The following SYNE2 variants were observed in gnomAD, a reference collection of about 807,000 sequenced individuals.
SYNE2 encodes the protein nesprin-2.
SYNE2 carries 431 observed loss-of-function variants against 856.3 expected under a neutral mutation model. The observed-to-expected ratio is 0.50, with a 90% CI of 0.47 to 0.55. The LOEUF is 0.55. Among genes scored for constraint, SYNE2 ranks in the 20% least tolerant of loss-of-function variants. The pLI is 0.00. For missense variants in SYNE2, 8,129 were observed against 8,023.2 expected (o/e 1.01, Z -0.50); for synonymous variants, 2,923 against 2,872.3 (o/e 1.02, Z -0.56).
At position 64,131,729 on chromosome 14, in the gene SYNE2, G is replaced by A. The variant is rs368501517; in HGVS notation, c.14341-536G>A. The stretch of plus-strand genomic sequence containing the variant: ...CCTGAGTAGCTGGGACTATAGATGT[G>A]TGCCACCACACCTAGCTGGCATCTA... On this transcript the variant is annotated intron_variant, in intron 76 of 115. Coordinates refer to ENST00000555002, the MANE Select transcript of SYNE2 (RefSeq NM_182914.3). Among the ~76,000 whole-genome samples the A allele has an allele frequency of 1.7e-4, 26 of 152,178 alleles. 1 individual carries two copies. The highest frequency in any genetic ancestry group is 3.4e-3 in the Middle Eastern group (1 of 294).
chr14:64,017,072 A>AT (rs1216413458), intron 33 of SYNE2, among the ~76,000 whole-genome samples: 3 of 152,066 alleles, frequency 2.0e-5, no homozygotes, highest in African/African-American at 7.2e-5. Context: ...GCTCACATCT[A>AT]TAATCCTAGC....
chr14:64,194,178 A>T (rs2098530548), intron 99 of SYNE2, among the ~76,000 whole-genome samples: 1 of 152,258 alleles, frequency 6.6e-6, no homozygotes, highest in African/African-American at 2.4e-5. Context: ...GTAACTATGT[A>T]GAACCCAAGT....
At chr14:63,908,981 G>C (rs931383622) in intron 1 of SYNE2, 117 bp from the exon 2 acceptor site, 1 of 655,506 alleles carries the variant, frequency 1.5e-6, no homozygotes, top group Non-Finnish European at 2.8e-6. Context: ...GCACATAGTA[G>C]AAAGCCATAC....
At chr14:64,209,776 T>G in intron 102 of SYNE2, 166 bp from the exon 103 acceptor site, 1 of 1,151,098 alleles carries the variant, frequency 8.7e-7, no homozygotes, top group Non-Finnish European at 1.3e-6. Flanking sequence ...GTAATGAACT[T>G]GAAAGCCTGT....
chr14:63,971,697 T>C (rs1015347360), intron 11 of SYNE2, among the ~76,000 whole-genome samples: 3 of 152,062 alleles, frequency 2.0e-5, no homozygotes, highest in Non-Finnish European at 4.4e-5. Context: ...GAGATCTGAG[T>C]TTCTATTGAG....
rs1401277046 is a variant in SYNE2 at position 64,052,525 on chromosome 14, A to G, written c.8612A>G (p.Lys2871Arg). The G allele has an allele frequency of 1.9e-6, 3 of 1,614,148 alleles. No individual in the cohort carries two copies. The highest frequency in any genetic ancestry group is 3.3e-4 in the Middle Eastern group (2 of 6,062). ...VETAATEAELKHHHVTLEASQ... is the reference protein window; with the variant it reads ...VETAATEAELRHHHVTLEASQ... ...ACAGCTGCCACGGAAGCTGAACTAA[A>G]ACATCACCATGTTACTTTGGAGGCA... Residue 2871 changes from lysine (K) to arginine (R), a missense_variant, in exon 48 of 116, where the codon AAA (lysine) becomes AGA (arginine). Transcript: ENST00000555002.
chr14:63,816,196 C>T lies in SYNE2; in HGVS notation c.-304-36305C>T, dbSNP rs563725210. On this transcript the variant is annotated intron_variant, in intron 1 of 23. Transcript: ENST00000674003. ...TCACCTGACCTCATGATATGCCCGC[C>T]TCGGCCTCCCAAAGTGCTGGGATTA... is the stretch of plus-strand genomic sequence containing the variant. Among the ~76,000 whole-genome samples the T allele has an allele frequency of 3.3e-5, 5 of 152,168 alleles. No individual in the cohort carries two copies. In the South Asian group the frequency reaches 1.0e-3, roughly 32 times the overall value.
chr14:64,057,583 A>G (rs1209169599), intron 49 of SYNE2, among the ~76,000 whole-genome samples: 4 of 152,190 alleles, frequency 2.6e-5, no homozygotes, highest in African/African-American at 9.7e-5. Context: ...TTCAATAAAC[A>G]TGGGAGTGCA....
At chr14:64,220,224 G>T (rs912520366) in intron 110 of SYNE2, among the ~76,000 whole-genome samples, 7 of 152,174 alleles carry the variant, frequency 4.6e-5, no homozygotes, top group African/African-American at 1.7e-4. Flanking sequence ...CCTCCAGCAG[G>T]CCTCTACTTT....
At chr14:63,837,212 T>C (rs1889886509) in intron 1 of SYNE2, among the ~76,000 whole-genome samples, 1 of 152,226 alleles carries the variant, frequency 6.6e-6, no homozygotes, top group South Asian at 2.1e-4. Context: ...GTCTTTTCAA[T>C]GAATGGTGTT....
intron 1 of SYNE2, among the ~76,000 whole-genome samples, chr14:63,774,106 G>A (rs532902129): frequency 1.1e-4 from 17 of 152,180 alleles, no homozygotes; most frequent in Admixed American, 6.5e-4. Flanking sequence ...AGGCTGAGGC[G>A]GGCAGATCAC....
At position 64,219,104 on chromosome 14, in the gene SYNE2, G is replaced by GTTTTTTGTT; in HGVS notation, c.19658-98_19658-97insGTTTTTTTT. ...CAGGGGAATCCCCTACAGTTTTTTT[G>GTTTTTTGTT]TTTTTTTTTTTTTTTTTTTTAACCA... On this transcript the variant is annotated intron_variant, in intron 109 of 115. Transcript: ENST00000555002. 15 of 409,014 alleles carry GTTTTTTGTT rather than the reference G, an allele frequency of 3.7e-5. No homozygotes were observed. The East Asian group carries it at 8.1e-4, about 22-fold the overall frequency. 25.3% of individuals were successfully genotyped at this position (409,014 alleles called of 1,614,324 possible).
Position 64,024,451 on chromosome 14 carries a change from G to A in SYNE2, c.5832G>A (p.Gln1944=), listed in dbSNP as rs2096961730. ...AGGAGCTTGAAGACTCCTTGCAGCA[G>A]CTACTGAGGTAGGAAATAAAGATGA... is the stretch of plus-strand genomic sequence containing the variant. The part of the protein sequence containing the change: ...RAKELEDSLQ[Q]LLRLQDDHRN... The change falls in exon 39 of 116, where the codon CAG becomes CAA. Residue 1944 remains glutamine, a synonymous_variant. Coordinates refer to ENST00000555002, the MANE Select transcript of SYNE2 (RefSeq NM_182914.3). 1.2e-6 allele frequency: 2 copies of A among 1,613,646 alleles called. No homozygotes were observed. The highest frequency in any genetic ancestry group is 1.3e-5 in the African/African-American group (1 of 74,886).
intron 31 of SYNE2, among the ~76,000 whole-genome samples, chr14:64,008,942 CT>C (rs2096822345): frequency 6.6e-6 from 1 of 152,160 alleles, no homozygotes; most frequent in Non-Finnish European, 1.5e-5. Context: ...GCAGTTTCCC[CT>C]GATTCTGCTC....
At chr14:64,131,507 A>G (rs1237186118) in intron 76 of SYNE2, among the ~76,000 whole-genome samples, 1 of 152,212 alleles carries the variant, frequency 6.6e-6, no homozygotes. Flanking sequence ...TTGAGTTTGC[A>G]CATCTGTCCA....
intron 64 of SYNE2, among the ~76,000 whole-genome samples, chr14:64,102,839 C>T (rs1286014880): frequency 6.6e-6 from 1 of 152,112 alleles, no homozygotes; most frequent in Non-Finnish European, 1.5e-5. Context: ...TAACCACCAT[C>T]CTATTCTCTG....
At chr14:64,129,156 A>G (rs1175334131) in intron 74 of SYNE2, among the ~76,000 whole-genome samples, 1 of 152,090 alleles carries the variant, frequency 6.6e-6, no homozygotes, top group Non-Finnish European at 1.5e-5. Flanking sequence ...AAAATACAAA[A>G]ATTAGCCAGG....
chr14:64,012,388 A>G (rs1335430738), intron 32 of SYNE2, among the ~76,000 whole-genome samples: 2 of 152,114 alleles, frequency 1.3e-5, no homozygotes, highest in East Asian at 3.8e-4. Flanking sequence ...TCTGTTATTA[A>G]AGTAGCATGT....
chr14:63,798,462 C>T (rs1235690228), intron 1 of SYNE2, among the ~76,000 whole-genome samples: 5 of 148,928 alleles, frequency 3.4e-5, no homozygotes, highest in South Asian at 2.1e-4. Flanking sequence ...GGTATGGTCT[C>T]GGCTCACTAC....
Sources: allele counts gnomAD v4.1 joint callset (sites outside exome capture counted in the v4.1 genomes callset), GRCh38; gene constraint gnomAD v4.1.1; transcripts MANE v1.5; gene names NCBI Gene and HGNC (gene_info 2026-07-23, HGNC 2026-07-21).